The following ARB2A variants were observed in gnomAD, a reference collection of about 807,000 sequenced individuals.
ARB2A encodes ARB2 cotranscriptional regulator A, also known as cotranscriptional regulator ARB2A.
chr5:93,630,556 T>A, the ARB2A span, among the ~76,000 whole-genome samples: 1 of 152,168 alleles, frequency 6.6e-6, no homozygotes, highest in African/African-American at 2.4e-5. Context: ...TCCTTTCCTC[T>A]AGCTCCTTTT....
the ARB2A span, among the ~76,000 whole-genome samples, chr5:93,744,094 A>G: frequency 6.6e-5 from 10 of 152,218 alleles, no homozygotes; most frequent in Admixed American, 6.5e-4. Flanking sequence ...AAGCTTTATT[A>G]TATTTAAACT....
At chr5:94,011,226 C>T in the ARB2A span, among the ~76,000 whole-genome samples, 3 of 152,116 alleles carry the variant, frequency 2.0e-5, no homozygotes, top group Non-Finnish European at 2.9e-5. Flanking sequence ...GATTTCTCAT[C>T]TCCTCTTCTT....
At chr5:94,082,109 A>T in the ARB2A span, among the ~76,000 whole-genome samples, 7 of 152,366 alleles carry the variant, frequency 4.6e-5, no homozygotes, top group Admixed American at 4.6e-4. Flanking sequence ...TGTAAATCAC[A>T]GTGCACTGGT....
chr5:93,764,816 T>C, the ARB2A span, among the ~76,000 whole-genome samples: 2 of 152,138 alleles, frequency 1.3e-5, no homozygotes, highest in African/African-American at 4.8e-5. Context: ...GCAAAATGAA[T>C]CCAGCAGCAC....
chr5:94,023,967 T>C, the ARB2A span, among the ~76,000 whole-genome samples: 1 of 152,112 alleles, frequency 6.6e-6, no homozygotes, highest in Admixed American at 6.5e-5. Flanking sequence ...GGGTTTCTGG[T>C]GGGAATAAAG....
the ARB2A span, among the ~76,000 whole-genome samples, chr5:94,011,710 G>A: frequency 2.0e-5 from 3 of 151,950 alleles, no homozygotes; most frequent in South Asian, 2.1e-4. Flanking sequence ...CGATAAATTC[G>A]GTTTTGCACA....
the ARB2A span, among the ~76,000 whole-genome samples, chr5:94,090,416 G>A: frequency 2.0e-5 from 3 of 152,308 alleles, no homozygotes; most frequent in South Asian, 4.1e-4. Context: ...AGCTTAAGGA[G>A]ATTTTGGGAT....
the ARB2A span, among the ~76,000 whole-genome samples, chr5:93,722,227 T>G: frequency 6.6e-6 from 1 of 152,200 alleles, no homozygotes. Flanking sequence ...ATTTAAAGTC[T>G]GTGCTCTTAA....
the ARB2A span, among the ~76,000 whole-genome samples, chr5:93,940,314 G>T: frequency 1.3e-5 from 2 of 151,964 alleles, no homozygotes; most frequent in South Asian, 2.1e-4. Context: ...TTTTAGTCAT[G>T]ATTTGTTTTC....
chr5:93,886,137 G>A, the ARB2A span, among the ~76,000 whole-genome samples: 2 of 151,602 alleles, frequency 1.3e-5, no homozygotes, highest in East Asian at 3.9e-4. Flanking sequence ...ACTTATCCAC[G>A]TTAATTTACC....
At chr5:94,071,167 A>C in the ARB2A span, among the ~76,000 whole-genome samples, 1 of 152,126 alleles carries the variant, frequency 6.6e-6, no homozygotes. Flanking sequence ...CAAATGGATA[A>C]GTAAAATATA....
At chr5:94,063,834 A>G in the ARB2A span, among the ~76,000 whole-genome samples, 1 of 152,224 alleles carries the variant, frequency 6.6e-6, no homozygotes. Context: ...CCAACACCAT[A>G]GATACATTTT....
At chr5:93,739,508 T>A in the ARB2A span, 1 of 152,124 alleles carries the variant, frequency 6.6e-6, no homozygotes, top group African/African-American at 2.4e-5. Flanking sequence ...AACTCTGATA[T>A]AATACATACT....
chr5:93,833,133 T>C, the ARB2A span, among the ~76,000 whole-genome samples: 8 of 152,212 alleles, frequency 5.3e-5, no homozygotes, highest in Non-Finnish European at 8.8e-5. Context: ...ACTCTATTTG[T>C]TTAATGTCAA....
At chr5:94,000,855 G>GT in the ARB2A span, among the ~76,000 whole-genome samples, 5 of 152,070 alleles carry the variant, frequency 3.3e-5, no homozygotes, top group South Asian at 1.0e-3. Context: ...ACTAAATTCG[G>GT]TTTTTTGCAT....
the ARB2A span, chr5:93,734,761 T>A: frequency 2.0e-5 from 3 of 152,140 alleles, no homozygotes; most frequent in Admixed American, 6.5e-5. Flanking sequence ...ACTAAAGGTA[T>A]CAATGGCATC....
the ARB2A span, among the ~76,000 whole-genome samples, chr5:93,754,555 A>G: frequency 6.6e-6 from 1 of 152,228 alleles, no homozygotes; most frequent in Non-Finnish European, 1.5e-5. Context: ...GCAAAGAGTG[A>G]CCTGTCAGTC....
At chr5:93,983,185 GTGTGTGT>G in the ARB2A span, among the ~76,000 whole-genome samples, 1 of 49,074 alleles carries the variant, frequency 2.0e-5, no homozygotes, top group East Asian at 6.1e-4. Flanking sequence ...GTGTGTGTGT[GTGTGTGT>G]GTGTGTGTGT....
At chr5:93,957,677 T>G in the ARB2A span, among the ~76,000 whole-genome samples, 4 of 152,082 alleles carry the variant, frequency 2.6e-5, no homozygotes, top group Non-Finnish European at 5.9e-5. Flanking sequence ...ATTCTACTTT[T>G]AGCATTTTAA....
Sources: gnomAD v4.1 joint callset for allele counts (sites outside exome capture counted in the v4.1 genomes callset) on GRCh38, gnomAD v4.1.1 for gene constraint, MANE v1.5 for transcripts, NCBI Gene and HGNC (gene_info 2026-07-23, HGNC 2026-07-21) for gene names.